CYLC1: variants seen among roughly 807,000 people sequenced by gnomAD.
CYLC1 encodes the protein cylicin 1, also known as cylicin-1.
Under a neutral mutation model 31.6 loss-of-function variants are expected in CYLC1, and 2 were observed. The observed-to-expected ratio is 0.06, with a 90% CI of 0.03 to 0.20. The LOEUF is 0.20. Among genes scored for constraint, CYLC1 ranks in the 10% least tolerant of loss-of-function variants. CYLC1 has a pLI of 1.00. For missense variants in CYLC1, 595 were observed against 424.1 expected, an observed-to-expected ratio of 1.40 and a Z score of -3.54; for synonymous variants, 185 against 153.0, an observed-to-expected ratio of 1.21 and a Z score of -1.54.
At chrX:83,881,909 G>A (rs2031913753) in intron 4 of CYLC1, among the ~76,000 whole-genome samples, 2 of 109,637 alleles carry the variant, frequency 1.8e-5, no homozygotes, top group Admixed American at 9.8e-5. Context: ...TGTTAGCCAG[G>A]ATGGTTTCGA....
At chrX:83,862,547 AAAAAGAAAAG>A (rs771892261) in intron 1 of CYLC1, among the ~76,000 whole-genome samples, 27 of 111,867 alleles carry the variant, frequency 2.4e-4, no homozygotes, top group Non-Finnish European at 7.5e-5. Flanking sequence ...CGTCTCAAAA[AAAAAGAAAAG>A]AAAAGAAAAG....
intron 4 of CYLC1, among the ~76,000 whole-genome samples, chrX:83,875,067 A>G (rs1322192913): frequency 9.0e-6 from 1 of 111,711 alleles, no homozygotes. Flanking sequence ...CATACATAGC[A>G]GGTGGAATAC....
chrX:83,876,871 C>T (rs902430545), intron 4 of CYLC1, among the ~76,000 whole-genome samples: 1 of 110,322 alleles, frequency 9.1e-6, no homozygotes, highest in Admixed American at 9.7e-5. Context: ...ATTTACAGTC[C>T]TCCCTTTGTG....
chrX:83,861,696 T>C (rs2031510667), intron 1 of CYLC1, among the ~76,000 whole-genome samples: 1 of 112,034 alleles, frequency 8.9e-6, no homozygotes, highest in Non-Finnish European at 1.9e-5. Flanking sequence ...ATTATTCATA[T>C]GGAATTAAAC....
intron 1 of CYLC1, among the ~76,000 whole-genome samples, chrX:83,861,858 T>C (rs1044097075): frequency 9.0e-6 from 1 of 111,212 alleles, no homozygotes; most frequent in Non-Finnish European, 1.9e-5. Context: ...ATATATTAAA[T>C]TGAACTATAT....
chrX:83,876,380 GAAGA>G (rs2031759305), intron 4 of CYLC1, among the ~76,000 whole-genome samples: 1 of 110,919 alleles, frequency 9.0e-6, no homozygotes, highest in South Asian at 3.8e-4. Context: ...AGATAAGTAA[GAAGA>G]AAGACTCTCA....
At chrX:83,868,846 C>T (rs1769833135) in intron 1 of CYLC1, among the ~76,000 whole-genome samples, 1 of 110,692 alleles carries the variant, frequency 9.0e-6, no homozygotes. Context: ...CGTTATTTTA[C>T]TTCCAAATTG....
At chrX:83,872,173 G>T (rs982840068) in intron 3 of CYLC1, among the ~76,000 whole-genome samples, 1 of 110,555 alleles carries the variant, frequency 9.0e-6, no homozygotes, top group Non-Finnish European at 1.9e-5. Context: ...TTGCTTGTTG[G>T]CACCTCTACT....
chrX:83,880,307 A>AG (rs1246465525), intron 4 of CYLC1, among the ~76,000 whole-genome samples: 1 of 112,026 alleles, frequency 8.9e-6, no homozygotes, highest in Non-Finnish European at 1.9e-5. Flanking sequence ...AGTTTTTAAC[A>AG]GGGACTAAAA....
chrX:83,865,860 C>T (rs770077655), intron 1 of CYLC1, among the ~76,000 whole-genome samples: 2 of 111,588 alleles, frequency 1.8e-5, no homozygotes, highest in Non-Finnish European at 3.8e-5. Flanking sequence ...TTGCCATGTA[C>T]GGTAAGATTC....
intron 4 of CYLC1, among the ~76,000 whole-genome samples, chrX:83,875,660 C>T: frequency 9.0e-6 from 1 of 111,442 alleles, no homozygotes; most frequent in Non-Finnish European, 1.9e-5. Context: ...CCACTGGGCT[C>T]CTCCCACGAC....
intron 4 of CYLC1, among the ~76,000 whole-genome samples, chrX:83,880,762 A>T (rs2031896777): frequency 2.7e-5 from 3 of 111,484 alleles, no homozygotes; most frequent in African/African-American, 9.8e-5. Context: ...ACTCCTATCA[A>T]CATCCCTCAA....
At chrX:83,877,877 CATAT>C (rs763314367) in intron 4 of CYLC1, among the ~76,000 whole-genome samples, 1 of 57,409 alleles carries the variant, frequency 1.7e-5, no homozygotes, top group African/African-American at 6.2e-5. Flanking sequence ...CCTGTTTTTT[CATAT>C]ATATATATAT....
Position 83,861,164 on chromosome X carries a change from C to A in CYLC1, c.-19C>A. The A allele has an allele frequency of 8.4e-7, 1 of 1,196,753 alleles. No homozygotes were observed. Among genetic ancestry groups the A allele is most frequent in the African/African-American group, 1.7e-5 (1 of 57,488 alleles). On this transcript the variant is annotated 5_prime_UTR_variant, in exon 1 of 5. Transcript: ENST00000329312. ...TCAACTTACTATGCTCAAGTCCAGGCAACGTACAGGCAGGGGAAATGTCTC... is the reference window on the plus strand; with the variant it reads ...TCAACTTACTATGCTCAAGTCCAGGAAACGTACAGGCAGGGGAAATGTCTC...
intron 2 of CYLC1, 140 bp downstream of exon 2, chrX:83,870,045 C>A: frequency 3.5e-6 from 1 of 285,970 alleles, no homozygotes; most frequent in East Asian, 8.7e-5. Flanking sequence ...AGCATGTATG[C>A]ATGATATTTA....
At chrX:83,869,350 G>T (rs1005279363) in intron 1 of CYLC1, among the ~76,000 whole-genome samples, 2 of 110,041 alleles carry the variant, frequency 1.8e-5, no homozygotes, top group African/African-American at 6.6e-5. Context: ...TATTTTTTAT[G>T]ATCCTCTCCT....
Position 83,861,232 on chromosome X carries a change from T to C in CYLC1, c.17+33T>C, listed in dbSNP as rs185278490. 1.2e-3 allele frequency: 1,276 copies of C among 1,061,154 alleles called. 2 individuals carry two copies. Among genetic ancestry groups the C allele is most frequent in the Admixed American group, 1.7e-3 (72 of 43,282 alleles). The allele number at this position is 1,061,154 out of a possible 1,213,427, so 87.5% of individuals were successfully genotyped here. On this transcript the variant is annotated intron_variant, in intron 1 of 4. Transcript: ENST00000329312. ...CTCTTTTTAATATTTTTTTAGTATT[T>C]TAAATAGCCAATATGCTCAATTTAG...
chrX:83,868,434 G>T (rs1391936084), intron 1 of CYLC1, among the ~76,000 whole-genome samples: 1 of 110,095 alleles, frequency 9.1e-6, no homozygotes, highest in Non-Finnish European at 1.9e-5. Context: ...TTTCATTATG[G>T]TTATAGATTT....
chrX:83,875,519 C>T (rs2031745633), intron 4 of CYLC1, among the ~76,000 whole-genome samples: 1 of 111,720 alleles, frequency 9.0e-6, no homozygotes, highest in Non-Finnish European at 1.9e-5. Flanking sequence ...TCACATCTTA[C>T]TTGGATGGCA....
Sources: gnomAD v4.1 joint callset for allele counts (sites outside exome capture counted in the v4.1 genomes callset) on GRCh38, gnomAD v4.1.1 for gene constraint, MANE v1.5 for transcripts, NCBI Gene and HGNC (gene_info 2026-07-23, HGNC 2026-07-21) for gene names.